NLGN4Y: variants seen among roughly 807,000 people sequenced by gnomAD.
NLGN4Y encodes the protein neuroligin 4 Y-linked, also known as neuroligin-4, Y-linked.
NLGN4Y carries 4 observed loss-of-function variants against 8.4 expected under a neutral mutation model. The observed-to-expected ratio is 0.48, with a 90% CI of 0.23 to 1.09. The LOEUF is 1.09. Among genes scored for constraint, NLGN4Y ranks in the 50% least tolerant of loss-of-function variants. The probability of loss-of-function intolerance (pLI) is 0.19; values close to 1 mark genes in which losing one functional copy is unlikely to be tolerated. For missense variants in NLGN4Y, 90 were observed against 192.3 expected (o/e 0.47, Z 3.15); for synonymous variants, 35 against 75.6 (o/e 0.46, Z 2.78).
At chrY:14,561,446 CAT>C in intron 1 of NLGN4Y, among the ~76,000 whole-genome samples, 1 of 33,220 alleles carries the variant, frequency 3.0e-5, no homozygotes, top group East Asian at 7.8e-4. Flanking sequence ...GTATATGTGC[CAT>C]ATTTTCTTAA....
In NLGN4Y at chrY:14,841,683, G is replaced by T; in HGVS notation, c.*421G>T. On this transcript the variant is annotated 3_prime_UTR_variant, in exon 7 of 7. Coordinates refer to ENST00000684976, the MANE Select transcript of NLGN4Y (RefSeq NM_001365588.1). ...TTTTATGTGGGCTACACAATGGATG[G>T]CTCTTCTTAAGTGAAGAAAGACTCT... The T allele has an allele frequency of 8.2e-6, 1 of 121,464 alleles. No individual in the cohort carries two copies. Among genetic ancestry groups the T allele is most frequent in the Non-Finnish European group, 1.8e-5 (1 of 56,270 alleles). The allele number at this position is 121,464 out of a possible 400,897, so 30.3% of individuals were successfully genotyped here. A position where few individuals can be genotyped will look rare whatever the true frequency, so the allele number is the denominator to read the frequency against.
At chrY:14,533,639 G>C in intron 1 of NLGN4Y, among the ~76,000 whole-genome samples, 1 of 32,812 alleles carries the variant, frequency 3.0e-5, no homozygotes, top group Admixed American at 2.8e-4. Context: ...GTGCAGGTTT[G>C]TGATAGAGTT....
At chrY:14,604,610 AT>A (rs2080440416) in intron 1 of NLGN4Y, among the ~76,000 whole-genome samples, 1 of 34,061 alleles carries the variant, frequency 2.9e-5, no homozygotes, top group Non-Finnish European at 7.3e-5. Context: ...GGTTTCTACC[AT>A]TATGGCTCAT....
intron 1 of NLGN4Y, among the ~76,000 whole-genome samples, chrY:14,558,852 A>G: frequency 3.0e-5 from 1 of 33,374 alleles, no homozygotes; most frequent in Non-Finnish European, 7.4e-5. Flanking sequence ...GGGGTTGAGC[A>G]TGATTTTATA....
chrY:14,609,652 A>G, intron 1 of NLGN4Y, among the ~76,000 whole-genome samples: 1 of 33,608 alleles, frequency 3.0e-5, no homozygotes, highest in Non-Finnish European at 7.4e-5. Flanking sequence ...GATGTTCATC[A>G]GGAATATTTG....
At chrY:14,636,643 G>T in intron 2 of NLGN4Y, among the ~76,000 whole-genome samples, 1 of 33,038 alleles carries the variant, frequency 3.0e-5, no homozygotes, top group East Asian at 7.9e-4. Context: ...GTTTTGTTTT[G>T]TTTTATAGGA....
chrY:14,716,066 AAC>A (rs2080914465), intron 2 of NLGN4Y, among the ~76,000 whole-genome samples: 1 of 33,763 alleles, frequency 3.0e-5, no homozygotes, highest in Non-Finnish European at 7.3e-5. Context: ...TCTCCAAATA[AAC>A]TAAGTTAGAG....
chrY:14,703,845 G>A, intron 2 of NLGN4Y, among the ~76,000 whole-genome samples: 1 of 32,823 alleles, frequency 3.0e-5, no homozygotes, highest in Non-Finnish European at 7.5e-5. Flanking sequence ...TCATTGAGGA[G>A]TGGTCTGTAG....
chrY:14,726,422 C>G (rs2150557088), intron 4 of NLGN4Y, among the ~76,000 whole-genome samples: 2 of 33,060 alleles, frequency 6.0e-5, no homozygotes. Context: ...TTTTATAGTA[C>G]CAAAATTTCT....
chrY:14,702,260 C>T, intron 2 of NLGN4Y, among the ~76,000 whole-genome samples: 1 of 32,427 alleles, frequency 3.1e-5, no homozygotes, highest in Non-Finnish European at 7.5e-5. Flanking sequence ...GTGCTGCACC[C>T]ATTAACTCTT....
chrY:14,593,872 C>A (rs1603500787), intron 1 of NLGN4Y, among the ~76,000 whole-genome samples: 2 of 33,390 alleles, frequency 6.0e-5, no homozygotes, highest in East Asian at 7.8e-4. Flanking sequence ...AAGTAGGGGA[C>A]AACAAATGGG....
Position 14,842,046 on chromosome Y carries a change from T to C in NLGN4Y, c.*784T>C. 8.2e-6 allele frequency: 1 copy of C among 121,738 alleles called. No homozygotes were observed. The highest frequency in any genetic ancestry group is 1.8e-5 in the Non-Finnish European group (1 of 56,200). The allele number at this position is 121,738 out of a possible 400,897, so 30.4% of individuals were successfully genotyped here. ...AGAGGCTTTTCTTCTTAATTACATG[T>C]AAACAAAGACATGGGATTTTCTGAC... On this transcript the variant is annotated 3_prime_UTR_variant, in exon 7 of 7. Transcript: ENST00000684976.
At chrY:14,640,530 A>G (rs975611857) in intron 2 of NLGN4Y, among the ~76,000 whole-genome samples, 1 of 33,245 alleles carries the variant, frequency 3.0e-5, no homozygotes, top group South Asian at 6.9e-4. Flanking sequence ...ATACTCTGTC[A>G]CCTGTTTTGC....
At chrY:14,586,673 C>CA (rs2080342816) in intron 1 of NLGN4Y, among the ~76,000 whole-genome samples, 1 of 31,769 alleles carries the variant, frequency 3.1e-5, no homozygotes, top group Non-Finnish European at 7.6e-5. Flanking sequence ...ACTAAAAACA[C>CA]AAAAATTAGC....
At chrY:14,553,566 CTGTGTG>C (rs557062506) in intron 1 of NLGN4Y, among the ~76,000 whole-genome samples, 5 of 21,724 alleles carry the variant, frequency 2.3e-4, no homozygotes, top group African/African-American at 6.9e-4. Flanking sequence ...GGTACCAAAA[CTGTGTG>C]TGTGTGTGTG....
chrY:14,757,253 G>A (rs868337453), intron 4 of NLGN4Y, among the ~76,000 whole-genome samples: 4 of 31,748 alleles, frequency 1.3e-4, no homozygotes, highest in African/African-American at 3.7e-4. Context: ...TAATTCTCTC[G>A]TTTAATCTAT....
chrY:14,814,218 C>G, intron 4 of NLGN4Y, among the ~76,000 whole-genome samples: 2 of 32,395 alleles, frequency 6.2e-5, no homozygotes, highest in African/African-American at 2.4e-4. Context: ...AAGGTGTCTC[C>G]TCTAAACTGG....
At chrY:14,829,648 C>A (rs2043164155) in intron 5 of NLGN4Y, 82 bp from the exon 6 acceptor site, 3 of 326,454 alleles carry the variant, frequency 9.2e-6, no homozygotes, top group Non-Finnish European at 1.3e-5. Flanking sequence ...GCTTGCGAAA[C>A]AATCACAGCC....
chrY:14,723,218 A>G lies in NLGN4Y; in HGVS notation c.634A>G (p.Ser212Gly). 2.5e-6 allele frequency: 1 copy of G among 397,893 alleles called. No individual in the cohort carries two copies. Among genetic ancestry groups the G allele is most frequent in the Non-Finnish European group, 3.5e-6 (1 of 283,106 alleles). ...GNMIDGSILA[S>G]YGNVIVITIN... Reference sequence around the variant, plus strand: ...CATGATTGATGGCAGCATTTTGGCCAGCTATGGGAACGTCATCGTTATCAC... The same window carrying G: ...CATGATTGATGGCAGCATTTTGGCCGGCTATGGGAACGTCATCGTTATCAC... The change falls in exon 4 of 7, where the codon AGC becomes GGC. Residue 212 changes from serine (S) to glycine (G), a missense_variant. Transcript: ENST00000684976.
Sources: gnomAD v4.1 joint callset for allele counts (sites outside exome capture counted in the v4.1 genomes callset) on GRCh38, gnomAD v4.1.1 for gene constraint, MANE v1.5 for transcripts, NCBI Gene and HGNC (gene_info 2026-07-23, HGNC 2026-07-21) for gene names.